The following CLMN variants were observed in gnomAD, a reference collection of about 807,000 sequenced individuals.
CLMN encodes calmin (calponin-like, transmembrane).
In CLMN, 57 loss-of-function variants were observed where a neutral mutation model predicts 92.7. The observed-to-expected ratio is 0.61, with a 90% CI of 0.50 to 0.77. The LOEUF (loss-of-function observed/expected upper bound fraction) is 0.77, where lower values mean the gene tolerates loss of function less well. CLMN is among the 30% of genes least tolerant of loss of function. CLMN has a pLI of 0.00. For missense variants in CLMN, 1,158 were observed against 1,237.5 expected, an observed-to-expected ratio of 0.94 and a Z score of 0.96; for synonymous variants, 466 against 470.6, an observed-to-expected ratio of 0.99 and a Z score of 0.13.
chr14:95,232,377 T>C (rs936902562), intron 1 of CLMN, among the ~76,000 whole-genome samples: 12 of 152,248 alleles, frequency 7.9e-5, no homozygotes, highest in South Asian at 2.1e-4. Context: ...TGAGAGCCAA[T>C]TGATCTCCTG....
chr14:95,246,732 G>T (rs1898586820), intron 1 of CLMN, among the ~76,000 whole-genome samples: 1 of 152,228 alleles, frequency 6.6e-6, no homozygotes, highest in African/African-American at 2.4e-5. Flanking sequence ...CACCCAAAGT[G>T]CAGGAACTAC....
intron 1 of CLMN, among the ~76,000 whole-genome samples, chr14:95,309,024 T>G (rs989599670): frequency 2.0e-5 from 3 of 152,040 alleles, no homozygotes; most frequent in African/African-American, 2.4e-5. Flanking sequence ...ACGGGGGCCA[T>G]GAAGATTGTG....
Position 95,194,789 on chromosome 14 carries a change from T to C in CLMN, c.2709-193A>G, listed in dbSNP as rs1896656669. The stretch of plus-strand genomic sequence containing the variant: ...GGACAGTGCTTACAAATAGGATGGA[T>C]ATTAGTGATACACACATTGGGCCCT... On this transcript the variant is annotated intron_variant, in intron 10 of 12. Coordinates refer to ENST00000298912, the MANE Select transcript of CLMN (RefSeq NM_024734.4). The surrounding 1 kb of genome is among the most constrained non-coding windows in gnomAD (Gnocchi z 4.0). Among the ~76,000 whole-genome samples the C allele has an allele frequency of 6.6e-6, 1 of 152,228 alleles. No homozygotes were observed. The highest frequency in any genetic ancestry group is 2.4e-5 in the African/African-American group (1 of 41,460).
intron 8 of CLMN, 57 bp downstream of exon 8, chr14:95,209,338 T>C (rs201215371): frequency 1.2e-5 from 19 of 1,529,488 alleles, no homozygotes; most frequent in Admixed American, 1.0e-4. Context: ...CTTCGTCTGA[T>C]GGCCAGCGGA....
chr14:95,235,264 A>G (rs1898014794), intron 1 of CLMN, among the ~76,000 whole-genome samples: 1 of 152,210 alleles, frequency 6.6e-6, no homozygotes, highest in Non-Finnish European at 1.5e-5. Flanking sequence ...TAAGATGCCA[A>G]TTCCTGGACT....
intron 1 of CLMN, among the ~76,000 whole-genome samples, chr14:95,245,254 A>ATATATATATATATT (rs1491364370): frequency 3.2e-4 from 9 of 27,966 alleles, no homozygotes; most frequent in Non-Finnish European, 4.0e-4. Flanking sequence ...ATATATATAT[A>ATATATATATATATT]ATATATATAT....
intron 4 of CLMN, 71 bp downstream of exon 4, chr14:95,221,620 C>T: frequency 7.2e-7 from 1 of 1,383,332 alleles, no homozygotes; most frequent in Non-Finnish European, 1.0e-6. Context: ...GCGACCAGCA[C>T]TGAACTTCAA....
chr14:95,251,717 T>C (rs1341987657), intron 1 of CLMN, among the ~76,000 whole-genome samples: 2 of 152,234 alleles, frequency 1.3e-5, no homozygotes, highest in Non-Finnish European at 2.9e-5. Context: ...TCTGGGAACA[T>C]GCAGTGTCAC....
chr14:95,232,489 A>G (rs770872050), intron 1 of CLMN, among the ~76,000 whole-genome samples: 1 of 152,210 alleles, frequency 6.6e-6, no homozygotes, highest in Non-Finnish European at 1.5e-5. Context: ...TTTCAATATT[A>G]TGCCTTACAA....
rs374889197 is a variant in CLMN at position 95,224,392 on chromosome 14, C to T, written c.145-537G>A. On this transcript the variant is annotated intron_variant, in intron 2 of 12. Transcript: ENST00000298912. ...CCGCCTCCCGGGTTCAAGTGATTCTCCTGCCTCCGCCTCTCGAGGAGCTGG... is the reference window on the plus strand; with the variant it reads ...CCGCCTCCCGGGTTCAAGTGATTCTTCTGCCTCCGCCTCTCGAGGAGCTGG... 5.3e-5 allele frequency among the ~76,000 whole-genome samples: 8 copies of T among 152,254 alleles called. No homozygotes were observed. In the East Asian group the frequency reaches 1.4e-3, roughly 26 times the overall value.
intron 8 of CLMN, among the ~76,000 whole-genome samples, 193 bp downstream of exon 8, chr14:95,209,202 C>A (rs1897126680): frequency 6.6e-6 from 1 of 152,062 alleles, no homozygotes; most frequent in Non-Finnish European, 1.5e-5. Flanking sequence ...GAACTGTATC[C>A]CCCGCATATG....
In CLMN at chr14:95,228,051, G is replaced by C. The variant is rs149668100; in HGVS notation, c.144+2021C>G. Among the ~76,000 whole-genome samples the C allele has an allele frequency of 2.3e-3, 357 of 152,266 alleles. 2 individuals are homozygous for C. Among genetic ancestry groups the C allele is most frequent in the African/African-American group, 8.3e-3 (346 of 41,552 alleles). ...GAGAAAGGGGCAGGAATTTGACCAG[G>C]GAGAAAATCCTTGATATGATAAATG... is the stretch of plus-strand genomic sequence containing the variant. On this transcript the variant is annotated intron_variant, in intron 2 of 12. Coordinates refer to ENST00000298912, the MANE Select transcript of CLMN (RefSeq NM_024734.4).
At position 95,203,869 on chromosome 14, in the gene CLMN, A is replaced by G; in HGVS notation, c.1480T>C (p.Phe494Leu). Residue 494 changes from phenylalanine (F) to leucine (L), a missense_variant, in exon 9 of 13, where the codon TTT becomes CTT. Coordinates refer to ENST00000298912, the MANE Select transcript of CLMN (RefSeq NM_024734.4). ...TTATTGTTTGTGCCCTCCACCAAAA[A>G]AATGTCACCAGCGACCTTGTCAGAG... ...SSSDKVAGDIFLVEGTNNNSQ... is the reference protein window; with the variant it reads ...SSSDKVAGDILLVEGTNNNSQ... 1 of 1,614,174 alleles carries G rather than the reference A, an allele frequency of 6.2e-7. No individual in the cohort carries two copies. The highest frequency in any genetic ancestry group is 1.6e-4 in the Middle Eastern group (1 of 6,062).
Position 95,231,497 on chromosome 14 carries a change from C to T in CLMN, c.83-1364G>A, listed in dbSNP as rs563128794. Among the ~76,000 whole-genome samples the T allele has an allele frequency of 1.1e-4, 17 of 152,296 alleles. No individual in the cohort carries two copies. The South Asian group carries it at 1.2e-3, about 11-fold the overall frequency. On this transcript the variant is annotated intron_variant, in intron 1 of 12. Transcript: ENST00000298912. The stretch of plus-strand genomic sequence containing the variant: ...ACAGGCGTGAGCCACCGCGCCCAGC[C>T]GCATTAAATCCTCATAGGAGCTTGA...
At chr14:95,318,905 C>G (rs1901913774) in intron 1 of CLMN, among the ~76,000 whole-genome samples, 1 of 152,334 alleles carries the variant, frequency 6.6e-6, no homozygotes, top group African/African-American at 2.4e-5. Flanking sequence ...TTTGTGCTTT[C>G]TAAGTTTCCA....
rs117354652 is a variant in CLMN at position 95,214,892 on chromosome 14, G to A, written c.417+749C>T. Among the ~76,000 whole-genome samples, 82 of 152,000 alleles carry A rather than the reference G, an allele frequency of 5.4e-4. 1 individual carries two copies. The East Asian group carries it at 0.014, about 26-fold the overall frequency. On this transcript the variant is annotated intron_variant, in intron 5 of 12. Coordinates refer to ENST00000298912, the MANE Select transcript of CLMN (RefSeq NM_024734.4). ...CACTTTCACTCTTGGGAGGGTAATC[G>A]AACAGTGAACCACAAGTTTCTATTC... is the stretch of plus-strand genomic sequence containing the variant.
chr14:95,212,671 G>T (rs377361831), intron 6 of CLMN, among the ~76,000 whole-genome samples: 1 of 152,184 alleles, frequency 6.6e-6, no homozygotes, highest in South Asian at 2.1e-4. Flanking sequence ...CATGATGAAG[G>T]CTCCTCTGAT....
rs1896564540 is a variant in CLMN at position 95,191,646 on chromosome 14, T to G, written c.2927A>C (p.Asp976Ala). The G allele has an allele frequency of 6.2e-7, 1 of 1,613,622 alleles. No homozygotes were observed. The highest frequency in any genetic ancestry group is 1.1e-5 in the South Asian group (1 of 91,062). ...CAGGAAGAGAATAAAATACATCATATCCGGCTGCTGGACAAGCTGTGTCAG... is the reference window on the plus strand; with the variant it reads ...CAGGAAGAGAATAAAATACATCATAGCCGGCTGCTGGACAAGCTGTGTCAG... ...DSLTQLVQQP[D>A]MMYFILFLWL... Residue 976 changes from aspartate to alanine, a missense_variant, in exon 13 of 13, where the codon GAT (aspartate) becomes GCT (alanine). Transcript: ENST00000298912. The surrounding 1 kb of genome is among the most constrained non-coding windows in gnomAD (Gnocchi z 5.3).
At chr14:95,297,987 C>G (rs1378823585) in intron 1 of CLMN, among the ~76,000 whole-genome samples, 2 of 152,182 alleles carry the variant, frequency 1.3e-5, no homozygotes, top group Non-Finnish European at 2.9e-5. Context: ...AAACTGCTAG[C>G]CACACTTTCC....
Sources: gnomAD v4.1 joint callset for allele counts (sites outside exome capture counted in the v4.1 genomes callset) on GRCh38, gnomAD v4.1.1 for gene constraint, Gnocchi (gnomAD v3.1) non-coding constraint, MANE v1.5 for transcripts, NCBI Gene and HGNC (gene_info 2026-07-23, HGNC 2026-07-21) for gene names.